Variants in AGBL1 observed in about 807,000 individuals in gnomAD.
AGBL1 encodes the protein cytosolic carboxypeptidase 4.
In AGBL1, 130 loss-of-function variants were observed where a neutral mutation model predicts 118.9. The ratio of observed to expected loss-of-function variants is 1.09; its 90% confidence interval spans 0.95 to 1.26. The LOEUF (loss-of-function observed/expected upper bound fraction) is 1.26, where lower values mean the gene tolerates loss of function less well. AGBL1 is among the 50% of genes most tolerant of loss of function. The pLI is 0.00. For synonymous variants in AGBL1, 555 were observed against 478.9 expected, an observed-to-expected ratio of 1.16 and a Z score of -2.08; for missense variants, 1,584 against 1,298.1, an observed-to-expected ratio of 1.22 and a Z score of -3.38.
At chr15:86,865,227 G>A (rs1005535672) in intron 22 of AGBL1, among the ~76,000 whole-genome samples, 9 of 152,162 alleles carry the variant, frequency 5.9e-5, no homozygotes, top group Non-Finnish European at 1.0e-4. Context: ...GATATTCATC[G>A]ACAGCCCTGT....
intron 1 of AGBL1, among the ~76,000 whole-genome samples, chr15:86,130,080 G>A (rs916439554): frequency 5.3e-5 from 8 of 152,112 alleles, no homozygotes; most frequent in African/African-American, 1.9e-4. Context: ...GTAGGGGAAA[G>A]GGCAGGGATC....
At chr15:86,852,585 G>A (rs1307520434) in intron 22 of AGBL1, among the ~76,000 whole-genome samples, 1 of 152,120 alleles carries the variant, frequency 6.6e-6, no homozygotes, top group Non-Finnish European at 1.5e-5. Flanking sequence ...CTTTTTGCAA[G>A]GTACATTATC....
At chr15:86,341,261 G>C (rs558704995) in intron 17 of AGBL1, among the ~76,000 whole-genome samples, 1 of 152,240 alleles carries the variant, frequency 6.6e-6, no homozygotes, top group East Asian at 1.9e-4. Flanking sequence ...TTTCTGACTT[G>C]CTAGGCTGCC....
intron 18 of AGBL1, among the ~76,000 whole-genome samples, chr15:86,428,565 T>C (rs1309592549): frequency 1.4e-4 from 21 of 152,238 alleles, no homozygotes; most frequent in Non-Finnish European, 1.5e-5. Flanking sequence ...TATGTCTTTG[T>C]TATTTTATGA....
chr15:86,943,815 G>C (rs1454417149), intron 23 of AGBL1, among the ~76,000 whole-genome samples: 1 of 152,114 alleles, frequency 6.6e-6, no homozygotes, highest in African/African-American at 2.4e-5. Context: ...TTTTATTAAA[G>C]GGAAACCTTA....
At chr15:87,014,994 C>T (rs749949233) in intron 24 of AGBL1, among the ~76,000 whole-genome samples, 2 of 152,018 alleles carry the variant, frequency 1.3e-5, no homozygotes, top group African/African-American at 2.4e-5. Flanking sequence ...GTGAAGATTG[C>T]GCTCAATGTG....
chr15:86,141,621 C>G (rs1001905516), intron 1 of AGBL1, among the ~76,000 whole-genome samples: 1 of 152,024 alleles, frequency 6.6e-6, no homozygotes, highest in Non-Finnish European at 1.5e-5. Flanking sequence ...ACTGCACCCC[C>G]GCCTGGGCAA....
At chr15:86,381,862 T>G (rs1247998434) in intron 17 of AGBL1, among the ~76,000 whole-genome samples, 2 of 152,124 alleles carry the variant, frequency 1.3e-5, no homozygotes, top group African/African-American at 4.8e-5. Flanking sequence ...CATCTCCCCA[T>G]TGGGAAGGCA....
chr15:86,775,987 G>A (rs17642276), intron 22 of AGBL1, among the ~76,000 whole-genome samples: 19,855 of 152,024 alleles, frequency 0.13, 1,454 homozygotes, highest in Non-Finnish European at 0.16. Context: ...TTTGCTAGAC[G>A]TAAGTGGGTC....
chr15:86,946,240 T>C (rs1697795351), intron 23 of AGBL1: 1 of 152,184 alleles, frequency 6.6e-6, no homozygotes, highest in African/African-American at 2.4e-5. Flanking sequence ...TGTTGAAGAG[T>C]CACGTGCACA....
chr15:86,543,124 A>G (rs116738049), intron 19 of AGBL1, among the ~76,000 whole-genome samples: 1 of 152,076 alleles, frequency 6.6e-6, no homozygotes, highest in East Asian at 1.9e-4. Flanking sequence ...TTATTCATTG[A>G]GCATTTTTAT....
intron 17 of AGBL1, among the ~76,000 whole-genome samples, chr15:86,369,443 AATAG>A (rs1185975685): frequency 6.6e-6 from 1 of 152,186 alleles, no homozygotes; most frequent in African/African-American, 2.4e-5. Flanking sequence ...GATTGACACT[AATAG>A]ATAAAGAGTA....
At chr15:86,460,493 T>C (rs541516751) in intron 18 of AGBL1, among the ~76,000 whole-genome samples, 1 of 149,862 alleles carries the variant, frequency 6.7e-6, no homozygotes, top group East Asian at 1.9e-4. Flanking sequence ...GAACAATCCC[T>C]TGTGTCTTAA....
intron 22 of AGBL1, among the ~76,000 whole-genome samples, chr15:86,866,041 C>T (rs77521109): frequency 0.011 from 1,687 of 152,282 alleles, 15 homozygotes; most frequent in African/African-American, 0.018. Context: ...TCCCTTCCCC[C>T]CAAGTTGCAC....
chr15:86,711,618 A>T (rs758507620), intron 22 of AGBL1, among the ~76,000 whole-genome samples: 10 of 152,172 alleles, frequency 6.6e-5, no homozygotes, highest in Admixed American at 6.5e-5. Flanking sequence ...TATTTGTTGA[A>T]TGAATTAATA....
chr15:86,673,451 G>A (rs2085781422), intron 21 of AGBL1, among the ~76,000 whole-genome samples: 1 of 152,164 alleles, frequency 6.6e-6, no homozygotes, highest in Non-Finnish European at 1.5e-5. Context: ...AGCTTTTTAT[G>A]TTGAGTAGTC....
intron 17 of AGBL1, among the ~76,000 whole-genome samples, chr15:86,314,464 C>G: frequency 6.6e-6 from 1 of 152,266 alleles, no homozygotes; most frequent in South Asian, 2.1e-4. Flanking sequence ...ACAGTGAATT[C>G]TTGCTTGATA....
intron 24 of AGBL1, among the ~76,000 whole-genome samples, chr15:86,996,996 A>G (rs1228044656): frequency 6.6e-6 from 1 of 152,164 alleles, no homozygotes; most frequent in Non-Finnish European, 1.5e-5. Flanking sequence ...AATCATAACC[A>G]TCTTTATAAA....
At chr15:86,970,178 CCCTT>C (rs1318251168) in intron 23 of AGBL1, among the ~76,000 whole-genome samples, 2 of 151,856 alleles carry the variant, frequency 1.3e-5, no homozygotes, top group Non-Finnish European at 2.9e-5. Context: ...TTGTGTTAAT[CCCTT>C]CCTTCCAGCC....
Sources: gnomAD v4.1 joint callset for allele counts (sites outside exome capture counted in the v4.1 genomes callset) on GRCh38, gnomAD v4.1.1 for gene constraint, MANE v1.5 for transcripts, NCBI Gene and HGNC (gene_info 2026-07-23, HGNC 2026-07-21) for gene names.